The following NT5M variants were observed in gnomAD, a reference collection of about 807,000 sequenced individuals.
NT5M encodes 5'(3')-deoxyribonucleotidase, mitochondrial.
In NT5M, 22 loss-of-function variants were observed where a neutral mutation model predicts 22.2. That is an observed-to-expected ratio of 0.99 (90% CI 0.71 to 1.41). The LOEUF (loss-of-function observed/expected upper bound fraction) is 1.41. NT5M is among the 40% of genes most tolerant of loss of function. The pLI is 0.00. For missense variants in NT5M, 322 were observed against 314.8 expected (o/e 1.02, Z -0.17); for synonymous variants, 167 against 133.0 (o/e 1.26, Z -1.76).
intron 2 of NT5M, among the ~76,000 whole-genome samples, chr17:17,315,813 G>A (rs1251762393): frequency 2.1e-5 from 3 of 145,270 alleles, no homozygotes; most frequent in African/African-American, 7.7e-5. Flanking sequence ...AGAGTGCAGC[G>A]GTGTGATCCC....
In NT5M at chr17:17,303,687, T is replaced by C; in HGVS notation, c.137T>C (p.Leu46Pro). ...LRVLVDMDGV[L>P]ADFEGGFLRK... ...GTGCTGGTGGACATGGACGGCGTGC[T>C]GGCTGACTTCGAGGGCGGATTCCTC... Residue 46 changes from leucine to proline, a missense_variant, in exon 1 of 5, where the codon CTG becomes CCG. Leu to Pro is a moderately conservative substitution (Grantham distance 98). Coordinates refer to ENST00000389022, the MANE Select transcript of NT5M (RefSeq NM_020201.4). 1 of 1,586,230 alleles carries C rather than the reference T, an allele frequency of 6.3e-7. No individual in the cohort carries two copies. The highest frequency in any genetic ancestry group is 1.1e-5 in the South Asian group (1 of 87,740).
intron 4 of NT5M, 77 bp from the exon 5 acceptor site, chr17:17,346,728 G>C: frequency 6.4e-7 from 1 of 1,574,318 alleles, no homozygotes; most frequent in Non-Finnish European, 8.6e-7. Context: ...TGCCTGCCTG[G>C]ATACCCAGGT....
intron 3 of NT5M, among the ~76,000 whole-genome samples, chr17:17,328,640 TC>T (rs1441950018): frequency 6.6e-6 from 1 of 152,196 alleles, no homozygotes; most frequent in African/African-American, 2.4e-5. Flanking sequence ...CACTCACAGT[TC>T]CTTCCCCAGC....
intron 3 of NT5M, 54 bp from the exon 4 acceptor site, chr17:17,344,740 C>T (rs2142387817): frequency 6.3e-7 from 1 of 1,595,628 alleles, no homozygotes; most frequent in South Asian, 1.1e-5. Flanking sequence ...TGGTTGGCTC[C>T]CAGGTCTGAT....
At chr17:17,305,414 A>G (rs975259152) in intron 1 of NT5M, among the ~76,000 whole-genome samples, 16 of 23,176 alleles carry the variant, frequency 6.9e-4, no homozygotes, top group Non-Finnish European at 1.3e-3. Flanking sequence ...CCCCGCCCCC[A>G]CACACGTGGC....
At chr17:17,343,796 G>A (rs746801452) in intron 3 of NT5M, among the ~76,000 whole-genome samples, 1 of 152,182 alleles carries the variant, frequency 6.6e-6, no homozygotes. Context: ...CTCTGTAGCT[G>A]TAACAGGGTC....
At position 17,322,731 on chromosome 17, in the gene NT5M, G is replaced by A. The variant is rs114567897; in HGVS notation, c.369-454G>A. 3.1e-3 allele frequency among the ~76,000 whole-genome samples: 474 copies of A among 152,310 alleles called. 5 individuals carry two copies. The highest frequency in any genetic ancestry group is 0.029 in the South Asian group (142 of 4,826). On this transcript the variant is annotated intron_variant, in intron 2 of 4. Coordinates refer to ENST00000389022, the MANE Select transcript of NT5M (RefSeq NM_020201.4). ...GGAGGCCATTTGGGTCAGCTCTCCC[G>A]CGGAGCTACGACCTTGGGGATGTGG...
intron 2 of NT5M, among the ~76,000 whole-genome samples, chr17:17,317,207 G>A (rs2049050395): frequency 1.3e-5 from 2 of 151,596 alleles, no homozygotes; most frequent in African/African-American, 2.4e-5. Flanking sequence ...CTGCCACCAT[G>A]CCCCGCTAAT....
At chr17:17,339,687 G>T (rs2049598157) in intron 3 of NT5M, among the ~76,000 whole-genome samples, 1 of 152,132 alleles carries the variant, frequency 6.6e-6, no homozygotes, top group South Asian at 2.1e-4. Flanking sequence ...TATCATGAAA[G>T]GATATTGAAT....
At chr17:17,328,995 T>G (rs1354817525) in intron 3 of NT5M, among the ~76,000 whole-genome samples, 1 of 152,188 alleles carries the variant, frequency 6.6e-6, no homozygotes, top group Non-Finnish European at 1.5e-5. Context: ...TTTTTATTTT[T>G]TAGACGGAGT....
intron 3 of NT5M, among the ~76,000 whole-genome samples, chr17:17,324,652 A>G (rs17726673): frequency 0.14 from 20,502 of 151,282 alleles, 1,812 homozygotes; most frequent in Non-Finnish European, 0.19. Context: ...CTTGTTCCCT[A>G]GTTACCCTGA....
intron 3 of NT5M, 44 bp downstream of exon 3, chr17:17,323,289 A>G: frequency 6.6e-7 from 1 of 1,513,092 alleles, no homozygotes. Flanking sequence ...CCCATGCATC[A>G]CAGGTGAGGG....
chr17:17,304,573 C>A, intron 1 of NT5M: 1 of 309,036 alleles, frequency 3.2e-6, no homozygotes, highest in Non-Finnish European at 4.7e-6. Context: ...CTTGATTGGC[C>A]ACCTAGGGTT....
intron 3 of NT5M, among the ~76,000 whole-genome samples, chr17:17,328,495 G>A (rs1484210140): frequency 6.6e-6 from 1 of 152,176 alleles, no homozygotes; most frequent in East Asian, 1.9e-4. Flanking sequence ...CCCTGGCTGA[G>A]GGCGGGCTGG....
chr17:17,344,980 AGCACT>A (rs1326163427), intron 4 of NT5M, 72 bp downstream of exon 4: 1 of 1,597,044 alleles, frequency 6.3e-7, no homozygotes, highest in Admixed American at 1.7e-5. Context: ...CTGGGCAGTG[AGCACT>A]CAGTTGCTTC....
chr17:17,306,774 C>T, intron 2 of NT5M, 131 bp downstream of exon 2: 1 of 664,950 alleles, frequency 1.5e-6, no homozygotes, highest in Non-Finnish European at 2.7e-6. Flanking sequence ...CTGCACTTGC[C>T]TCGTCATTGC....
intron 2 of NT5M, among the ~76,000 whole-genome samples, chr17:17,317,810 A>G (rs1254137519): frequency 6.6e-6 from 1 of 152,022 alleles, no homozygotes; most frequent in Non-Finnish European, 1.5e-5. Flanking sequence ...TAAAAATACA[A>G]AAATTAGCTA....
At chr17:17,345,912 C>T (rs537248151) in intron 4 of NT5M, among the ~76,000 whole-genome samples, 34 of 152,274 alleles carry the variant, frequency 2.2e-4, no homozygotes, top group Non-Finnish European at 4.0e-4. Flanking sequence ...CAAATCTAGG[C>T]GTTGAAACTG....
At chr17:17,326,269 T>A (rs2049263993) in intron 3 of NT5M, among the ~76,000 whole-genome samples, 1 of 152,326 alleles carries the variant, frequency 6.6e-6, no homozygotes, top group Non-Finnish European at 1.5e-5. Flanking sequence ...ATGAGGCAGC[T>A]CATTTACCAG....
Sources: gnomAD v4.1 joint callset for allele counts (sites outside exome capture counted in the v4.1 genomes callset) on GRCh38, gnomAD v4.1.1 for gene constraint, MANE v1.5 for transcripts, NCBI Gene and HGNC (gene_info 2026-07-23, HGNC 2026-07-21) for gene names.